The following EDIL3 variants were observed in gnomAD, a reference collection of about 807,000 sequenced individuals.
EDIL3 encodes EGF-like repeat and discoidin I-like domain-containing protein 3.
In EDIL3, 37 loss-of-function variants were observed where a neutral mutation model predicts 67.4. The ratio of observed to expected loss-of-function variants is 0.55; its 90% CI spans 0.42 to 0.72. The LOEUF (loss-of-function observed/expected upper bound fraction) is 0.72, where lower values mean the gene tolerates loss of function less well. EDIL3 is among the 30% of genes least tolerant of loss of function. The pLI is 0.00. For synonymous variants in EDIL3, 195 were observed against 196.3 expected, an observed-to-expected ratio of 0.99 and a Z score of 0.05; for missense variants, 527 against 586.3, an observed-to-expected ratio of 0.90 and a Z score of 1.04.
At chr5:84,033,704 TAAAAAAAAAA>T (rs71605889) in intron 9 of EDIL3, among the ~76,000 whole-genome samples, 4 of 92,822 alleles carry the variant, frequency 4.3e-5, no homozygotes, top group Admixed American at 1.3e-4. Flanking sequence ...ACATTGTCTC[TAAAAAAAAAA>T]AAAAAAAAAA....
chr5:84,280,947 CAAAAAAAA>C lies in EDIL3; in HGVS notation c.68-26743_68-26736del, dbSNP rs11302104. Among the ~76,000 whole-genome samples the C allele has an allele frequency of 6.5e-3, 453 of 70,232 alleles. 2 individuals carry two copies. Among genetic ancestry groups the C allele is most frequent in the African/African-American group, 0.011 (172 of 16,106 alleles). The allele number at this position is 70,232 out of a possible 152,430, so 46.1% of individuals were successfully genotyped here. A position where few individuals can be genotyped will look rare whatever the true frequency, so the allele number is the denominator to read the frequency against. ...CCTGGGCAACAAAGCAAGACTCTGT[CAAAAAAAA>C]AAAAAAAAAAAAAAAGGAAATAAAA... On this transcript the variant is annotated intron_variant, in intron 1 of 10. Transcript: ENST00000296591.
At chr5:84,045,237 G>A (rs947285221) in intron 9 of EDIL3, among the ~76,000 whole-genome samples, 2 of 152,052 alleles carry the variant, frequency 1.3e-5, no homozygotes, top group African/African-American at 4.8e-5. Flanking sequence ...AGGAATTATG[G>A]GAGCTACAAT....
chr5:84,252,713 T>C (rs1313565425), intron 2 of EDIL3, among the ~76,000 whole-genome samples: 1 of 152,022 alleles, frequency 6.6e-6, no homozygotes, highest in Admixed American at 6.6e-5. Flanking sequence ...GGGGTATTTA[T>C]GACTCTAATT....
chr5:83,988,587 G>A (rs1267992029), intron 9 of EDIL3, among the ~76,000 whole-genome samples: 1 of 152,062 alleles, frequency 6.6e-6, no homozygotes, highest in African/African-American at 2.4e-5. Flanking sequence ...GGTATTCCTG[G>A]AAAATCCTGT....
intron 4 of EDIL3, among the ~76,000 whole-genome samples, chr5:84,148,268 A>T (rs906163220): frequency 6.6e-6 from 1 of 152,170 alleles, no homozygotes; most frequent in African/African-American, 2.4e-5. Flanking sequence ...ACATACTTCT[A>T]CATTTGGGTT....
intron 4 of EDIL3, among the ~76,000 whole-genome samples, chr5:84,139,746 T>A (rs2112318641): frequency 6.6e-6 from 1 of 152,344 alleles, no homozygotes; most frequent in South Asian, 2.1e-4. Context: ...TAAGTGGTCA[T>A]GTCTGAAGGA....
At chr5:84,071,581 G>T (rs1157569628) in intron 6 of EDIL3, among the ~76,000 whole-genome samples, 1 of 152,140 alleles carries the variant, frequency 6.6e-6, no homozygotes, top group Non-Finnish European at 1.5e-5. Flanking sequence ...GGTTTCAATA[G>T]CAAAGAAGCA....
chr5:84,027,951 C>T (rs952012762), intron 9 of EDIL3, among the ~76,000 whole-genome samples: 6 of 152,084 alleles, frequency 3.9e-5, no homozygotes, highest in African/African-American at 1.4e-4. Context: ...TCTACTCTTT[C>T]CTGAACTGTG....
chr5:84,115,095 T>C (rs965954670), intron 5 of EDIL3, among the ~76,000 whole-genome samples: 2 of 152,204 alleles, frequency 1.3e-5, no homozygotes, highest in Non-Finnish European at 2.9e-5. Context: ...GAAGGTGGAT[T>C]AGTCCTCTGA....
chr5:84,050,968 G>T (rs999838973), intron 9 of EDIL3, among the ~76,000 whole-genome samples: 1 of 152,170 alleles, frequency 6.6e-6, no homozygotes, highest in Non-Finnish European at 1.5e-5. Context: ...GAGAGTAGTG[G>T]TTCTCCCAGC....
At chr5:84,151,739 G>T (rs1009336239) in intron 4 of EDIL3, among the ~76,000 whole-genome samples, 1 of 152,008 alleles carries the variant, frequency 6.6e-6, no homozygotes, top group African/African-American at 2.4e-5. Flanking sequence ...TATAACGGGG[G>T]TTAGCTATAC....
In EDIL3 at chr5:84,018,022, G is replaced by A. The variant is rs192060502; in HGVS notation, c.1137+42278C>T. ...TCATCATGGACATGACCTTTCTTTC[G>A]CCATCGTATGAAAAGATGTGCAGAT... On this transcript the variant is annotated intron_variant, in intron 9 of 10. Transcript: ENST00000296591. Among the ~76,000 whole-genome samples the A allele has an allele frequency of 1.1e-4, 17 of 152,148 alleles. No homozygotes were observed. The South Asian group carries it at 2.5e-3, about 22-fold the overall frequency.
intron 1 of EDIL3, among the ~76,000 whole-genome samples, chr5:84,266,252 G>C (rs978778589): frequency 2.3e-4 from 35 of 152,130 alleles, no homozygotes; most frequent in African/African-American, 8.2e-4. Flanking sequence ...TGACCACTTA[G>C]TGGTATTCAG....
At chr5:84,007,846 T>C (rs1371829650) in intron 9 of EDIL3, among the ~76,000 whole-genome samples, 2 of 152,150 alleles carry the variant, frequency 1.3e-5, no homozygotes, top group Non-Finnish European at 2.9e-5. Context: ...TATTGCAGTA[T>C]TATTCACAAG....
At chr5:83,960,134 A>G (rs1744581854) in intron 10 of EDIL3, among the ~76,000 whole-genome samples, 1 of 151,014 alleles carries the variant, frequency 6.6e-6, no homozygotes, top group Non-Finnish European at 1.5e-5. Flanking sequence ...TTTCTTCATT[A>G]TGCCTAATTA....
At chr5:84,086,981 T>C (rs1473187498) in intron 6 of EDIL3, among the ~76,000 whole-genome samples, 2 of 152,022 alleles carry the variant, frequency 1.3e-5, no homozygotes, top group Non-Finnish European at 2.9e-5. Context: ...AAAAAAAAAT[T>C]CCTAGGAACC....
At chr5:84,159,377 G>C (rs772698494) in intron 4 of EDIL3, among the ~76,000 whole-genome samples, 18 of 151,958 alleles carry the variant, frequency 1.2e-4, no homozygotes, top group Non-Finnish European at 1.9e-4. Context: ...GTAGAAAATG[G>C]TGTCTTTAAA....
chr5:84,002,609 C>CA (rs1422186319), intron 9 of EDIL3, among the ~76,000 whole-genome samples: 1 of 152,146 alleles, frequency 6.6e-6, no homozygotes, highest in Non-Finnish European at 1.5e-5. Context: ...AATCAACAAA[C>CA]AAAAATCAGT....
chr5:84,073,195 C>T (rs537440889), intron 6 of EDIL3, among the ~76,000 whole-genome samples: 5 of 152,094 alleles, frequency 3.3e-5, no homozygotes, highest in Admixed American at 6.6e-5. Context: ...TGGGACGTAT[C>T]TCAAAATAAT....
Sources: gnomAD v4.1 joint callset for allele counts (sites outside exome capture counted in the v4.1 genomes callset) on GRCh38, gnomAD v4.1.1 for gene constraint, MANE v1.5 for transcripts, NCBI Gene and HGNC (gene_info 2026-07-23, HGNC 2026-07-21) for gene names.